The following CASP8 variants were observed in gnomAD, a reference collection of about 807,000 sequenced individuals.
CASP8 encodes the protein caspase 8, also known as caspase-8.
CASP8 carries 24 observed loss-of-function variants against 46.3 expected under a neutral mutation model. The ratio of observed to expected loss-of-function variants is 0.52; its 90% CI spans 0.38 to 0.73. The LOEUF (loss-of-function observed/expected upper bound fraction) is 0.73, where lower values mean the gene tolerates loss of function less well. CASP8 is among the 30% of genes least tolerant of loss of function. The pLI, the probability that CASP8 is intolerant of heterozygous loss-of-function variation, is 0.00. For missense variants in CASP8, 460 were observed against 559.0 expected (o/e 0.82, Z 1.79); for synonymous variants, 188 against 200.4 (o/e 0.94, Z 0.52).
At chr2:201,278,685 T>A (rs1039416603) in intron 7 of CASP8, among the ~76,000 whole-genome samples, 9 of 152,092 alleles carry the variant, frequency 5.9e-5, no homozygotes, top group African/African-American at 2.2e-4. Context: ...TACAGGCATG[T>A]GCCACCATAC....
intron 1 of CASP8, among the ~76,000 whole-genome samples, chr2:201,264,623 C>T: frequency 6.6e-6 from 1 of 152,258 alleles, no homozygotes; most frequent in Non-Finnish European, 1.5e-5. Context: ...ATAGCTATTA[C>T]TATTCATTCA....
At position 201,266,436 on chromosome 2, in the gene CASP8, G is replaced by T. The variant is rs753819845; in HGVS notation, c.-26-25G>T. On this transcript the variant is annotated intron_variant, in intron 1 of 8. Transcript: ENST00000673742. This position sits in a 1 kb window ranked among gnomAD's most constrained non-coding sequence, Gnocchi z 5.7. The stretch of plus-strand genomic sequence containing the variant: ...CAAATGGTACTTTTCTTCCTTATCT[G>T]AACATACCATTTATTTTGACTTAGA... 2 of 1,563,642 alleles carry T rather than the reference G, an allele frequency of 1.3e-6. No individual in the cohort carries two copies. Among genetic ancestry groups the T allele is most frequent in the South Asian group, 2.2e-5 (2 of 89,996 alleles).
chr2:201,242,238 C>G (rs1453636876), intron 2 of CASP8: 1 of 152,158 alleles, frequency 6.6e-6, no homozygotes, highest in East Asian at 1.9e-4. Flanking sequence ...AGAAATAAAT[C>G]CATGCATATA....
At position 201,266,876 on chromosome 2, in the gene CASP8, CCCTG is replaced by C. The variant is rs1947861891; in HGVS notation, c.305+89_305+92del. Reference sequence around the variant, plus strand: ...CTGATTGGGGCTTTTTTTTGTGGTACCCTGCCTAGTGCCTGGGAACCCAGCAGTG... The same window carrying C: ...CTGATTGGGGCTTTTTTTTGTGGTACCCTAGTGCCTGGGAACCCAGCAGTG... On this transcript the variant is annotated intron_variant, in intron 2 of 8. Transcript: ENST00000673742. The surrounding 1 kb of genome is among the most constrained non-coding windows in gnomAD (Gnocchi z 5.7). 1 of 976,642 alleles carries C rather than the reference CCCTG, an allele frequency of 1.0e-6. No homozygotes were observed. The highest frequency in any genetic ancestry group is 1.5e-6 in the Non-Finnish European group (1 of 659,766). 60.5% of individuals were successfully genotyped at this position (976,642 alleles called of 1,614,324 possible).
chr2:201,258,189 A>T, upstream of CASP8: 9 of 1,603,366 alleles, frequency 5.6e-6, no homozygotes, highest in Non-Finnish European at 7.7e-6. Flanking sequence ...TTTTTTTTCA[A>T]GCCCTGCTGA....
intron 8 of CASP8, 118 bp from the exon 9 acceptor site, chr2:201,286,341 C>G (rs1344976558): frequency 7.6e-7 from 1 of 1,314,522 alleles, no homozygotes; most frequent in Non-Finnish European, 1.1e-6. Context: ...CTTATTGTTT[C>G]AAATGACTGA....
At chr2:201,253,343 T>C in intron 2 of CASP8, among the ~76,000 whole-genome samples, 1 of 136,898 alleles carries the variant, frequency 7.3e-6, no homozygotes, top group East Asian at 2.3e-4. Flanking sequence ...TCACTAGTGC[T>C]GTATGTAGGT....
intron 6 of CASP8, among the ~76,000 whole-genome samples, chr2:201,275,677 A>G (rs1274683625): frequency 6.6e-6 from 1 of 152,226 alleles, no homozygotes; most frequent in African/African-American, 2.4e-5. Context: ...TGCTACAAGC[A>G]TTGTCCCCAC....
intron 2 of CASP8, among the ~76,000 whole-genome samples, chr2:201,270,358 A>G (rs1948155703): frequency 6.6e-6 from 1 of 152,218 alleles, no homozygotes; most frequent in Non-Finnish European, 1.5e-5. Flanking sequence ...ACGGATAATT[A>G]TCTTCAGTCT....
At chr2:201,261,481 G>A (rs539469949) in intron 1 of CASP8, among the ~76,000 whole-genome samples, 1 of 152,042 alleles carries the variant, frequency 6.6e-6, no homozygotes, top group Non-Finnish European at 1.5e-5. Context: ...TCAGAGACCT[G>A]CACTTGTGGG....
chr2:201,284,246 G>T, intron 7 of CASP8, among the ~76,000 whole-genome samples: 2 of 44,714 alleles, frequency 4.5e-5, no homozygotes, highest in South Asian at 1.5e-3. Context: ...GGGTGGCCAA[G>T]CAGAGACGCT....
chr2:201,244,726 C>T (rs576976096), intron 2 of CASP8, among the ~76,000 whole-genome samples: 1 of 152,136 alleles, frequency 6.6e-6, no homozygotes, highest in Admixed American at 6.5e-5. Flanking sequence ...AAAGGGATAA[C>T]TGATGAAGAG....
At position 201,260,587 on chromosome 2, in the gene CASP8, C is replaced by T. The variant is rs570581534; in HGVS notation, c.-53C>T. 11 of 984,046 alleles carry T rather than the reference C, an allele frequency of 1.1e-5. No homozygotes were observed. The South Asian group carries it at 1.4e-4, about 13-fold the overall frequency. 61.0% of individuals were successfully genotyped at this position (984,046 alleles called of 1,614,324 possible). A position where few individuals can be genotyped will look rare whatever the true frequency, so the allele number is the denominator to read the frequency against. On this transcript the variant is annotated 5_prime_UTR_variant, in exon 1 of 9. The change creates a new upstream start codon in the 5' untranslated region. Transcript: ENST00000673742. ...CAGATGGTAGTGGATAGGCCTGTGA[C>T]GAAGGTGCTACCATCGTGAGAGTAA...
intron 6 of CASP8, 144 bp from the exon 7 acceptor site, chr2:201,276,683 A>G: frequency 1.0e-6 from 1 of 966,624 alleles, no homozygotes; most frequent in Non-Finnish European, 1.6e-6. Flanking sequence ...TGAAGGAAAT[A>G]GGTAGAAACT....
At chr2:201,243,813 C>T (rs76945621) in intron 2 of CASP8, among the ~76,000 whole-genome samples, 2,006 of 152,270 alleles carry the variant, frequency 0.013, 54 homozygotes, top group African/African-American at 0.045. Context: ...ATACAGGAGG[C>T]GATGGGCTGA....
At chr2:201,281,788 A>T (rs777597206) in intron 7 of CASP8, 1 of 1,281,504 alleles carries the variant, frequency 7.8e-7, no homozygotes, top group South Asian at 1.3e-5. Context: ...TTTACTAGAG[A>T]AAACAGACCA....
At chr2:201,271,725 C>T (rs1948260017) in intron 3 of CASP8, 104 bp downstream of exon 3, 4 of 750,670 alleles carry the variant, frequency 5.3e-6, no homozygotes, top group African/African-American at 1.7e-5. Context: ...AACCTGGATT[C>T]TCACTTTTTA....
At chr2:201,260,004 AT>A (rs1188291909), upstream of CASP8, among the ~76,000 whole-genome samples, 2 of 123,902 alleles carry the variant, frequency 1.6e-5, no homozygotes, top group African/African-American at 3.1e-5. Context: ...ATTTTAGAGT[AT>A]TTTAGGCTGC....
chr2:201,242,752 G>A (rs1946356248), intron 2 of CASP8: 2 of 152,020 alleles, frequency 1.3e-5, no homozygotes, highest in Non-Finnish European at 2.9e-5. Flanking sequence ...AAAGCTAGAA[G>A]CACCATACTT....
Sources: gnomAD v4.1 joint callset for allele counts (sites outside exome capture counted in the v4.1 genomes callset) on GRCh38, gnomAD v4.1.1 for gene constraint, Gnocchi (gnomAD v3.1) non-coding constraint, MANE v1.5 for transcripts, NCBI Gene and HGNC (gene_info 2026-07-23, HGNC 2026-07-21) for gene names.